The following TENT2 variants were observed in gnomAD, a reference collection of about 807,000 sequenced individuals.
The protein encoded by TENT2 is poly(A) RNA polymerase GLD2.
TENT2 carries 44 observed loss-of-function variants against 72.2 expected under a neutral mutation model. That is an observed-to-expected ratio of 0.61 (90% CI 0.48 to 0.78). TENT2 has a LOEUF of 0.78. Among genes scored for constraint, TENT2 ranks in the 30% least tolerant of loss-of-function variants. TENT2 has a pLI of 0.00. For missense variants in TENT2, 541 were observed against 569.6 expected (o/e 0.95, Z 0.51); for synonymous variants, 212 against 192.5 (o/e 1.10, Z -0.84).
At position 79,619,655 on chromosome 5, in the gene TENT2, C is replaced by A. The variant is rs1315892729; in HGVS notation, c.7C>A (p.Pro3Thr). 2.5e-6 allele frequency: 4 copies of A among 1,613,052 alleles called. No individual in the cohort carries two copies. The Admixed American group carries it at 5.0e-5, about 20-fold the overall frequency. Residue 3 changes from proline (P) to threonine (T), a missense_variant, in exon 2 of 15, where the codon CCA (proline) becomes ACA (threonine). By Grantham distance (38) the Pro-to-Thr change is conservative (BLOSUM62 -1). Transcript: ENST00000453514. ...ACTTCCAGTGAACAAGAGCATGTTC[C>A]CAAACTCAATTTTGGGTCGCCCACC... MFPNSILGRPPFT... is the reference protein window; with the variant it reads MFTNSILGRPPFT...
At chr5:79,683,923 C>CAAAAAAAAAA (rs761567083) in intron 14 of TENT2, among the ~76,000 whole-genome samples, 9 of 41,566 alleles carry the variant, frequency 2.2e-4, no homozygotes, top group South Asian at 9.9e-4. Context: ...GACTCCGTCT[C>CAAAAAAAAAA]AAAAAAAAAA....
At position 79,687,977 on chromosome 5, in the gene TENT2, G is replaced by C. The variant is rs767277810; in HGVS notation, c.*2704G>C. Reference sequence around the variant, plus strand: ...GTCATTTGGGATTACTGATGGTGAAGTCTAGCTGGTGTTAAGAGAATAAAT... The same window carrying C: ...GTCATTTGGGATTACTGATGGTGAACTCTAGCTGGTGTTAAGAGAATAAAT... On this transcript the variant is annotated 3_prime_UTR_variant, in exon 15 of 15. Coordinates refer to ENST00000453514, the MANE Select transcript of TENT2 (RefSeq NM_001114394.3). Among the ~76,000 whole-genome samples the C allele has an allele frequency of 1.3e-5, 2 of 148,650 alleles. No homozygotes were observed. The highest frequency in any genetic ancestry group is 3.0e-5 in the Non-Finnish European group (2 of 67,792).
rs569661208 is a variant in TENT2 at position 79,616,262 on chromosome 5, G to T, written c.-38+3187G>T. Among the ~76,000 whole-genome samples the T allele has an allele frequency of 3.5e-5, 5 of 141,086 alleles. No homozygotes were observed. In the East Asian group the frequency reaches 1.0e-3, roughly 29 times the overall value. The allele number at this position is 141,086 out of a possible 152,430, so 92.6% of individuals were successfully genotyped here. A position where few individuals can be genotyped will look rare whatever the true frequency, so the allele number is the denominator to read the frequency against. On this transcript the variant is annotated intron_variant, in intron 1 of 14. Coordinates refer to ENST00000453514, the MANE Select transcript of TENT2 (RefSeq NM_001114394.3). ...TGCCCAGGCTGGAGTGCAATTGCGC[G>T]ATCTTGGCTCACTGCAACCTCCGCC... is the stretch of plus-strand genomic sequence containing the variant.
chr5:79,617,561 C>T (rs1054768086), intron 1 of TENT2: 8 of 152,156 alleles, frequency 5.3e-5, no homozygotes, highest in African/African-American at 1.9e-4. Context: ...TCCTCCCATT[C>T]TAATTTGAAC....
chr5:79,667,731 C>G (rs1019317458), intron 11 of TENT2, among the ~76,000 whole-genome samples: 2 of 151,902 alleles, frequency 1.3e-5, no homozygotes, highest in African/African-American at 4.8e-5. Context: ...TTTTCTTGCT[C>G]CTTTGTTTTT....
At position 79,686,513 on chromosome 5, in the gene TENT2, A is replaced by T. The variant is rs1035515465; in HGVS notation, c.*1240A>T. On this transcript the variant is annotated 3_prime_UTR_variant, in exon 15 of 15. Coordinates refer to ENST00000453514, the MANE Select transcript of TENT2 (RefSeq NM_001114394.3). Reference sequence around the variant, plus strand: ...TAGTACAGTTTTGTACCTCTAACGTATTTTTTTTTTGCAGACCAAATGCTA... The same window carrying T: ...TAGTACAGTTTTGTACCTCTAACGTTTTTTTTTTTTGCAGACCAAATGCTA... The T allele has an allele frequency of 6.7e-6, 1 of 148,436 alleles. No individual in the cohort carries two copies. The highest frequency in any genetic ancestry group is 1.5e-5 in the Non-Finnish European group (1 of 66,806). The allele number at this position is 148,436 out of a possible 1,614,324, so 9.2% of individuals were successfully genotyped here.
intron 11 of TENT2, among the ~76,000 whole-genome samples, chr5:79,659,885 C>G (rs1315255191): frequency 6.6e-6 from 1 of 151,408 alleles, no homozygotes; most frequent in African/African-American, 2.4e-5. Context: ...TACAGATATA[C>G]CTTTAAGGGC....
chr5:79,643,643 T>C (rs952383433), intron 7 of TENT2, among the ~76,000 whole-genome samples: 1 of 152,202 alleles, frequency 6.6e-6, no homozygotes, highest in Non-Finnish European at 1.5e-5. Flanking sequence ...ACATCTGTTC[T>C]AGGAGAGAAA....
intron 5 of TENT2, 62 bp from the exon 6 acceptor site, chr5:79,641,041 GGC>G: frequency 6.9e-7 from 1 of 1,455,884 alleles, no homozygotes; most frequent in Non-Finnish European, 9.3e-7. Context: ...TTTTTTAATA[GGC>G]ACAGAACCAT....
At chr5:79,665,835 TCTTTGA>T (rs1442312812) in intron 11 of TENT2, among the ~76,000 whole-genome samples, 1 of 152,148 alleles carries the variant, frequency 6.6e-6, no homozygotes, top group Non-Finnish European at 1.5e-5. Flanking sequence ...GCTTTTTTTC[TCTTTGA>T]CTTTTTGGTT....
At chr5:79,633,636 G>A (rs932428630) in intron 4 of TENT2, among the ~76,000 whole-genome samples, 19 of 150,066 alleles carry the variant, frequency 1.3e-4, no homozygotes. Flanking sequence ...GGCTGGTCTC[G>A]AACTGCCAAC....
chr5:79,652,880 CTT>C (rs773583448), intron 10 of TENT2, among the ~76,000 whole-genome samples: 19 of 151,678 alleles, frequency 1.3e-4, no homozygotes, highest in African/African-American at 3.9e-4. Flanking sequence ...CAGGTGAACT[CTT>C]AACATATTTT....
At chr5:79,667,827 T>G (rs528059306) in intron 11 of TENT2, among the ~76,000 whole-genome samples, 1 of 152,206 alleles carries the variant, frequency 6.6e-6, no homozygotes, top group East Asian at 1.9e-4. Flanking sequence ...ATTTTTTAAC[T>G]TGGCATTATT....
At position 79,687,480 on chromosome 5, in the gene TENT2, A is replaced by G. The variant is rs1418149877; in HGVS notation, c.*2207A>G. On this transcript the variant is annotated 3_prime_UTR_variant, in exon 15 of 15. Coordinates refer to ENST00000453514, the MANE Select transcript of TENT2 (RefSeq NM_001114394.3). ...ATAAAATGGTGTAGTGTTTGCATATATCCTACACACATTCTCTTGATACTT... is the reference window on the plus strand; with the variant it reads ...ATAAAATGGTGTAGTGTTTGCATATGTCCTACACACATTCTCTTGATACTT... 1.3e-5 allele frequency among the ~76,000 whole-genome samples: 2 copies of G among 152,176 alleles called. No homozygotes were observed. The highest frequency in any genetic ancestry group is 2.9e-5 in the Non-Finnish European group (2 of 68,028).
chr5:79,663,006 C>G (rs1580545104), intron 11 of TENT2, among the ~76,000 whole-genome samples: 1 of 152,174 alleles, frequency 6.6e-6, no homozygotes, highest in Non-Finnish European at 1.5e-5. Context: ...GAGATAACTT[C>G]TGGATAACTT....
At chr5:79,628,511 T>C (rs183273536) in intron 4 of TENT2, among the ~76,000 whole-genome samples, 160 of 152,154 alleles carry the variant, frequency 1.1e-3, no homozygotes, top group African/African-American at 3.6e-3. Flanking sequence ...TCAGTTACAG[T>C]AGATGGTAGT....
chr5:79,654,958 A>G (rs1259788173), intron 10 of TENT2, among the ~76,000 whole-genome samples: 2 of 152,144 alleles, frequency 1.3e-5, no homozygotes, highest in African/African-American at 4.8e-5. Flanking sequence ...AAAATTTTGT[A>G]GATTAGCTGT....
chr5:79,680,146 T>G (rs1820560248), intron 13 of TENT2, among the ~76,000 whole-genome samples: 1 of 152,136 alleles, frequency 6.6e-6, no homozygotes, highest in Non-Finnish European at 1.5e-5. Flanking sequence ...ACACTTTGAG[T>G]GAGTAGAAAA....
intron 10 of TENT2, among the ~76,000 whole-genome samples, chr5:79,654,036 A>G (rs958982275): frequency 6.6e-6 from 1 of 152,254 alleles, no homozygotes; most frequent in Admixed American, 6.5e-5. Context: ...CATTTCCTAG[A>G]ATAAATTCCA....
Sources: allele counts gnomAD v4.1 joint callset (sites outside exome capture counted in the v4.1 genomes callset), GRCh38; gene constraint gnomAD v4.1.1; transcripts MANE v1.5; gene names NCBI Gene and HGNC (gene_info 2026-07-23, HGNC 2026-07-21).